The following CAPG variants were observed in gnomAD, a reference collection of about 807,000 sequenced individuals.
CAPG encodes macrophage-capping protein.
In CAPG, 32 loss-of-function variants were observed where a neutral mutation model predicts 44.6. The ratio of observed to expected loss-of-function variants is 0.72; its 90% confidence interval spans 0.54 to 0.96. The LOEUF is 0.96. CAPG is among the 50% of genes least tolerant of loss of function. CAPG has a pLI of 0.00. For missense variants in CAPG, 412 were observed against 438.3 expected, an observed-to-expected ratio of 0.94 and a Z score of 0.54; for synonymous variants, 175 against 179.6, an observed-to-expected ratio of 0.97 and a Z score of 0.20.
In CAPG at chr2:85,398,704, C is replaced by A. The variant is rs376003215; in HGVS notation, c.745G>T (p.Ala249Ser). Residue 249 changes from alanine (A) to serine (S), a missense_variant, in exon 7 of 10, where the codon GCA becomes TCA. Transcript: ENST00000263867. The part of the protein sequence containing the change: ...LTADKANAQA[A>S]ALYKVSDATG... ...GGGGGGCCCACCTTATACAGAGCTG[C>A]GGCCTGGGCATTTGCCTTGTCAGCT... The A allele has an allele frequency of 2.5e-6, 4 of 1,602,528 alleles. No homozygotes were observed. The highest frequency in any genetic ancestry group is 1.7e-5 in the Admixed American group (1 of 58,388).
rs775712335 is a variant in CAPG, at chr2:85,395,553, G to A, written c.966C>T (p.Tyr322=). ...VAEGFISRMQ[Y]APNTQVEILP... ...ATCTCCTCACCTGAGTGTTCGGGGC[G>A]TACTGCATGCGCGAGATGAAGCCCT... The change falls in exon 9 of 10, where the codon TAC becomes TAT. Residue 322 remains tyrosine (Y), a synonymous_variant. Transcript: ENST00000263867. This position sits in a 1 kb window ranked among gnomAD's most constrained non-coding sequence, Gnocchi z 4.3. The A allele has an allele frequency of 1.3e-5, 21 of 1,613,474 alleles. No individual in the cohort carries two copies. The highest frequency in any genetic ancestry group is 4.5e-5 in the East Asian group (2 of 44,890).
chr2:85,394,858 G>A lies in CAPG; in HGVS notation c.*35C>T, dbSNP rs368776211. 3.9e-6 allele frequency: 6 copies of A among 1,522,704 alleles called. No homozygotes were observed. In the African/African-American group the frequency reaches 4.1e-5, roughly 10 times the overall value. The allele number at this position is 1,522,704 out of a possible 1,614,324, so 94.3% of individuals were successfully genotyped here. The stretch of plus-strand genomic sequence containing the variant: ...GAGAAGCAAGCAGGCAGGTGGTGGG[G>A]GGCAGGGGAGCATGGGGCAGGAAGA... On this transcript the variant is annotated 3_prime_UTR_variant, in exon 10 of 10. Coordinates refer to ENST00000263867, the MANE Select transcript of CAPG (RefSeq NM_001747.4).
chr2:85,392,364 T>C (rs1573167668), downstream of CAPG, among the ~76,000 whole-genome samples: 1 of 134,350 alleles, frequency 7.4e-6, no homozygotes, highest in East Asian at 2.2e-4. Flanking sequence ...CACTCCGGCC[T>C]GGGCAGCAGA....
At chr2:85,410,963 C>T (rs1687392192), upstream of CAPG, among the ~76,000 whole-genome samples, 1 of 151,658 alleles carries the variant, frequency 6.6e-6, no homozygotes, top group African/African-American at 2.4e-5. Context: ...TGGGCTCAAG[C>T]GATCCTCCTG....
chr2:85,409,014 CT>C (rs1436823573), intron 1 of CAPG, among the ~76,000 whole-genome samples: 1 of 152,148 alleles, frequency 6.6e-6, no homozygotes, highest in African/African-American at 2.4e-5. Context: ...TCTTCTACAC[CT>C]CTTAAAGCCT....
chr2:85,418,658 G>GCGCC, upstream of CAPG: 3 of 151,920 alleles, frequency 2.0e-5, no homozygotes, highest in Middle Eastern at 0.01. Flanking sequence ...ACACGCGCGC[G>GCGCC]CGCGCGCCTT....
rs1687533613 is a variant in CAPG, at chr2:85,415,497, C to T, written c.-14+2770G>A. ...ATGCAACACCCATGTAACCCACATC[C>T]CTACCAAGATATAAAACACTTCTAT... is the stretch of plus-strand genomic sequence containing the variant. On this transcript the variant is annotated intron_variant, in intron 1 of 5. Transcript: ENST00000409275. 3.3e-5 allele frequency among the ~76,000 whole-genome samples: 5 copies of T among 152,168 alleles called. No homozygotes were observed. In the South Asian group the frequency reaches 1.0e-3, roughly 31 times the overall value.
chr2:85,404,157 T>C (rs534712179), intron 1 of CAPG, among the ~76,000 whole-genome samples: 6 of 151,972 alleles, frequency 3.9e-5, no homozygotes, highest in Admixed American at 3.9e-4. Flanking sequence ...CATTATACAA[T>C]ATATACACAT....
rs950617280 is a variant in CAPG at position 85,399,192 on chromosome 2, C to T, written c.610G>A (p.Gly204Ser). 6.2e-7 allele frequency: 1 copy of T among 1,614,258 alleles called. No individual in the cohort carries two copies. The highest frequency in any genetic ancestry group is 1.1e-5 in the South Asian group (1 of 91,088). The change falls in exon 6 of 10, where the codon GGC (glycine) becomes AGC (serine). Residue 204 changes from glycine to serine, a missense_variant. Transcript: ENST00000263867. ...ALAIRDSERQ[G>S]KAQVEIVTDG... is the part of the protein sequence containing the mutation. Reference sequence around the variant, plus strand: ...GTGACAATCTCCACCTGGGCCTTGCCCTGTCGCTCACTGTCCCGGATGGCC... The same window carrying T: ...GTGACAATCTCCACCTGGGCCTTGCTCTGTCGCTCACTGTCCCGGATGGCC...
intron 1 of CAPG, among the ~76,000 whole-genome samples, chr2:85,403,060 C>T (rs1032703505): frequency 3.9e-5 from 6 of 152,248 alleles, no homozygotes; most frequent in East Asian, 1.9e-4. Context: ...CGTGAGCCAC[C>T]GTGCCTGGCA....
chr2:85,408,096 A>C (rs1471830927), intron 1 of CAPG, among the ~76,000 whole-genome samples: 1 of 152,074 alleles, frequency 6.6e-6, no homozygotes, highest in Non-Finnish European at 1.5e-5. Flanking sequence ...TAATCCCAGA[A>C]CTTTGGAAGG....
Position 85,394,966 on chromosome 2 carries a change from GAC to G in CAPG, c.982-10_982-9del. The stretch of plus-strand genomic sequence containing the variant: ...CTGAGGCAGAATCTCCACCTGCAGG[GAC>G]AGCGGGGGAGAAGTCTGGTTCACAA... On this transcript the variant is annotated splice_polypyrimidine_tract_variant and intron_variant, in intron 9 of 9. Coordinates refer to ENST00000263867, the MANE Select transcript of CAPG (RefSeq NM_001747.4). The G allele has an allele frequency of 6.2e-7, 1 of 1,602,170 alleles. No homozygotes were observed. Among genetic ancestry groups the G allele is most frequent in the Non-Finnish European group, 8.6e-7 (1 of 1,169,058 alleles).
intron 1 of CAPG, among the ~76,000 whole-genome samples, chr2:85,404,385 A>G (rs1352013751): frequency 6.6e-6 from 1 of 152,142 alleles, no homozygotes; most frequent in Admixed American, 6.6e-5. Flanking sequence ...GCAAAATTCT[A>G]CATTCATTCC....
chr2:85,403,298 G>A (rs937528784), intron 1 of CAPG, among the ~76,000 whole-genome samples: 1 of 152,106 alleles, frequency 6.6e-6, no homozygotes, highest in Non-Finnish European at 1.5e-5. Context: ...GCTCATTCAA[G>A]AAGACACAGA....
Position 85,394,889 on chromosome 2 carries a change from A to G in CAPG, c.*4T>C. 3.7e-6 allele frequency: 6 copies of G among 1,610,246 alleles called. No individual in the cohort carries two copies. The highest frequency in any genetic ancestry group is 5.1e-6 in the Non-Finnish European group (6 of 1,176,414). On this transcript the variant is annotated 3_prime_UTR_variant, in exon 10 of 10. Coordinates refer to ENST00000263867, the MANE Select transcript of CAPG (RefSeq NM_001747.4). ...GGGAGCATGGGGCAGGAAGACGCCCACCCTCATTTCCAGTCCTTGAAAAAT... is the reference window on the plus strand; with the variant it reads ...GGGAGCATGGGGCAGGAAGACGCCCGCCCTCATTTCCAGTCCTTGAAAAAT...
intron 1 of CAPG, among the ~76,000 whole-genome samples, chr2:85,418,068 G>A (rs373538945): frequency 8.2e-4 from 125 of 152,266 alleles, no homozygotes; most frequent in African/African-American, 2.9e-3. Context: ...AAGCCTGTAA[G>A]GTAACTAGCG....
upstream of CAPG, among the ~76,000 whole-genome samples, chr2:85,411,646 C>T (rs1687415268): frequency 6.6e-6 from 1 of 152,202 alleles, no homozygotes; most frequent in Admixed American, 6.5e-5. Context: ...TGAGACAAGG[C>T]TCCAGGTTCA....
At chr2:85,409,674 A>C (rs949813246) in intron 1 of CAPG, 1 of 152,088 alleles carries the variant, frequency 6.6e-6, no homozygotes, top group Admixed American at 6.6e-5. Flanking sequence ...CAGAGGCCTC[A>C]TTTGGGGATT....
At chr2:85,404,790 G>A (rs907221433) in intron 1 of CAPG, among the ~76,000 whole-genome samples, 2 of 151,870 alleles carry the variant, frequency 1.3e-5, no homozygotes, top group Admixed American at 1.3e-4. Context: ...TCAGCCAAAT[G>A]TGGTAGTGCA....
Sources: allele counts gnomAD v4.1 joint callset (sites outside exome capture counted in the v4.1 genomes callset), GRCh38; gene constraint gnomAD v4.1.1; non-coding constraint Gnocchi (gnomAD v3.1); transcripts MANE v1.5; gene names NCBI Gene and HGNC (gene_info 2026-07-23, HGNC 2026-07-21).